SYNPR: variants seen among roughly 807,000 people sequenced by gnomAD.
SYNPR encodes the protein synaptoporin.
SYNPR carries 23 observed loss-of-function variants against 32.9 expected under a neutral mutation model. The ratio of observed to expected loss-of-function variants is 0.70; its 90% CI spans 0.50 to 0.99. The LOEUF is 0.99. SYNPR is among the 50% of genes least tolerant of loss of function. The pLI, the probability that SYNPR is intolerant of heterozygous loss-of-function variation, is 0.00. For synonymous variants in SYNPR, 146 were observed against 135.9 expected (o/e 1.07, Z -0.52); for missense variants, 318 against 349.3 (o/e 0.91, Z 0.71).
intron 2 of SYNPR, among the ~76,000 whole-genome samples, chr3:63,352,966 C>G (rs1451304): frequency 0.48 from 73,399 of 152,110 alleles, 20,034 homozygotes; most frequent in Non-Finnish European, 0.6. Context: ...CATAATTCAA[C>G]ATGAGATTTG....
chr3:63,239,135 C>T (rs1243210979), intron 1 of SYNPR, among the ~76,000 whole-genome samples: 1 of 152,096 alleles, frequency 6.6e-6, no homozygotes, highest in Non-Finnish European at 1.5e-5. Context: ...TCTGTTTTAG[C>T]ACTCTCATTA....
At chr3:63,446,280 G>GT (rs201372951) in intron 2 of SYNPR, among the ~76,000 whole-genome samples, 37,771 of 140,422 alleles carry the variant, frequency 0.27, 5,596 homozygotes, top group Non-Finnish European at 0.35. Flanking sequence ...CTCCCACCAT[G>GT]TTTTTTTTTT....
intron 2 of SYNPR, among the ~76,000 whole-genome samples, chr3:63,308,954 C>A (rs2086934785): frequency 6.6e-6 from 1 of 151,786 alleles, no homozygotes; most frequent in Non-Finnish European, 1.5e-5. Context: ...TTTTTGCCCT[C>A]CCCTTCTATA....
chr3:63,533,650 C>T (rs1702149838), intron 3 of SYNPR, among the ~76,000 whole-genome samples: 1 of 152,096 alleles, frequency 6.6e-6, no homozygotes, highest in South Asian at 2.1e-4. Flanking sequence ...CAAAGCGGCT[C>T]AAGGCACATG....
intron 2 of SYNPR, among the ~76,000 whole-genome samples, chr3:63,335,158 T>A (rs949737131): frequency 1.3e-5 from 2 of 151,974 alleles, no homozygotes; most frequent in Admixed American, 1.3e-4. Context: ...ATCGAGACCA[T>A]CCTGGCTAAC....
chr3:63,400,725 T>C (rs1006908420), intron 2 of SYNPR, among the ~76,000 whole-genome samples: 1 of 152,048 alleles, frequency 6.6e-6, no homozygotes, highest in African/African-American at 2.4e-5. Flanking sequence ...AAGACAGGAG[T>C]GTCAAAGAAT....
the SYNPR span, among the ~76,000 whole-genome samples, chr3:63,219,019 G>A: frequency 1.3e-5 from 2 of 152,180 alleles, no homozygotes; most frequent in Non-Finnish European, 2.9e-5. Context: ...TAGTGAGAGA[G>A]ACATCTGCTT....
intron 2 of SYNPR, among the ~76,000 whole-genome samples, chr3:63,422,052 C>A (rs1159197185): frequency 6.6e-6 from 1 of 152,174 alleles, no homozygotes; most frequent in Non-Finnish European, 1.5e-5. Context: ...TTCCCCTTTG[C>A]CACATAATGT....
chr3:63,367,394 C>A (rs1244763152), intron 2 of SYNPR, among the ~76,000 whole-genome samples: 1 of 146,026 alleles, frequency 6.8e-6, no homozygotes, highest in African/African-American at 2.7e-5. Flanking sequence ...AGATCTGGCT[C>A]TATCTCCCAG....
intron 2 of SYNPR, among the ~76,000 whole-genome samples, chr3:63,319,597 G>A (rs1269972555): frequency 3.3e-5 from 5 of 151,878 alleles, no homozygotes; most frequent in Middle Eastern, 3.4e-3. Context: ...AATGAAAACT[G>A]TAAGACATTG....
intron 4 of SYNPR, among the ~76,000 whole-genome samples, chr3:63,589,500 C>A (rs1383357454): frequency 7.3e-5 from 11 of 151,478 alleles, no homozygotes; most frequent in Non-Finnish European, 8.8e-5. Context: ...GAGACACAAC[C>A]AAAAAAGAGA....
chr3:63,288,244 TG>T (rs2086704975), intron 2 of SYNPR, among the ~76,000 whole-genome samples: 1 of 152,214 alleles, frequency 6.6e-6, no homozygotes, highest in African/African-American at 2.4e-5. Flanking sequence ...AAAAGGGTCA[TG>T]ATATTCGAAA....
In SYNPR at chr3:63,595,755, ATATATATATATAT is replaced by A. The variant is rs1559546233; in HGVS notation, c.409-13369_409-13357del. ...TATATATATATATATATATATATAT[ATATATATATATAT>A]AATTTTATATATATATAGTTATATA... On this transcript the variant is annotated intron_variant, in intron 4 of 5. Coordinates refer to ENST00000478300, the MANE Select transcript of SYNPR (RefSeq NM_001130003.2). Among the ~76,000 whole-genome samples the A allele has an allele frequency of 3.0e-3, 97 of 32,286 alleles. 3 individuals are homozygous for A. The highest frequency in any genetic ancestry group is 0.015 in the African/African-American group (74 of 4,862). 21.2% of individuals were successfully genotyped at this position (32,286 alleles called of 152,430 possible). A position where few individuals can be genotyped will look rare whatever the true frequency, so the allele number is the denominator to read the frequency against.
At chr3:63,502,216 C>G (rs1701494452) in intron 3 of SYNPR, among the ~76,000 whole-genome samples, 2 of 151,988 alleles carry the variant, frequency 1.3e-5, no homozygotes, top group African/African-American at 4.8e-5. Flanking sequence ...CAGTGCTGAT[C>G]TAGGACTTTT....
chr3:63,344,755 G>A (rs1013908675), intron 2 of SYNPR, among the ~76,000 whole-genome samples: 5 of 151,866 alleles, frequency 3.3e-5, no homozygotes, highest in East Asian at 3.9e-4. Context: ...TGGAAAGAAG[G>A]GAGTTTACTG....
the SYNPR span, chr3:63,203,068 GTATATATATATATATATA>G: frequency 1.4e-4 from 15 of 108,590 alleles, no homozygotes; most frequent in South Asian, 1.6e-3. Flanking sequence ...ATATGTATGT[GTATATATATATATATATA>G]TATATATATA....
chr3:63,396,608 A>T (rs2088217552), intron 2 of SYNPR, among the ~76,000 whole-genome samples: 1 of 151,880 alleles, frequency 6.6e-6, no homozygotes, highest in Admixed American at 6.5e-5. Flanking sequence ...TTTAGTTTGA[A>T]AAGATGTATG....
chr3:63,467,612 A>G (rs1339238610), intron 2 of SYNPR, among the ~76,000 whole-genome samples: 1 of 152,242 alleles, frequency 6.6e-6, no homozygotes, highest in East Asian at 1.9e-4. Context: ...ATTGCCAGAT[A>G]CAAACAGAAG....
chr3:63,543,775 C>G (rs1702348162), intron 3 of SYNPR, among the ~76,000 whole-genome samples: 1 of 152,050 alleles, frequency 6.6e-6, no homozygotes, highest in Admixed American at 6.6e-5. Flanking sequence ...GGAAGTAGCC[C>G]TCGTCCCCTA....
Sources: gnomAD v4.1 joint callset for allele counts (sites outside exome capture counted in the v4.1 genomes callset) on GRCh38, gnomAD v4.1.1 for gene constraint, MANE v1.5 for transcripts, NCBI Gene and HGNC (gene_info 2026-07-23, HGNC 2026-07-21) for gene names.